The following SLC44A1 variants were observed in gnomAD, a reference collection of about 807,000 sequenced individuals.
SLC44A1 encodes choline transporter-like protein 1.
SLC44A1 carries 26 observed loss-of-function variants against 79.3 expected under a neutral mutation model. The ratio of observed to expected loss-of-function variants is 0.33; its 90% CI spans 0.24 to 0.46. SLC44A1 has a LOEUF of 0.46. SLC44A1 is among the 20% of genes least tolerant of loss of function. SLC44A1 has a pLI of 1.00. For synonymous variants in SLC44A1, 263 were observed against 286.2 expected, an observed-to-expected ratio of 0.92 and a Z score of 0.82; for missense variants, 688 against 798.1, an observed-to-expected ratio of 0.86 and a Z score of 1.66.
At chr9:105,404,729 G>A (rs562863361) in intron 15 of SLC44A1, among the ~76,000 whole-genome samples, 23 of 152,288 alleles carry the variant, frequency 1.5e-4, no homozygotes, top group African/African-American at 2.9e-4. Flanking sequence ...AGACAGCATC[G>A]TATAAGGAAG....
At chr9:105,401,730 T>C (rs1397324183), downstream of SLC44A1, among the ~76,000 whole-genome samples, 1 of 152,206 alleles carries the variant, frequency 6.6e-6, no homozygotes, top group Non-Finnish European at 1.5e-5. Flanking sequence ...TTCAGATGCA[T>C]TTCCTAAGCA....
chr9:105,408,402 T>C (rs527709063), intron 15 of SLC44A1, among the ~76,000 whole-genome samples: 3 of 151,856 alleles, frequency 2.0e-5, no homozygotes, highest in Admixed American at 6.6e-5. Context: ...TTGTCACTCA[T>C]TTGTTGTTGT....
Position 105,393,676 on chromosome 9 carries a change from G to C in SLC44A1, c.*4620G>C. ...TTTTGTACATGTAAAGACAAATGAT[G>C]ATTCAGTTTCAATATTGCATGAACA... On this transcript the variant is annotated 3_prime_UTR_variant, in exon 16 of 16. Transcript: ENST00000374720. 1.0e-6 allele frequency: 1 copy of C among 984,588 alleles called. No homozygotes were observed. Among genetic ancestry groups the C allele is most frequent in the Non-Finnish European group, 1.2e-6 (1 of 829,212 alleles). 61.0% of individuals were successfully genotyped at this position (984,588 alleles called of 1,614,324 possible). A position where few individuals can be genotyped will look rare whatever the true frequency, so the allele number is the denominator to read the frequency against.
chr9:105,333,980 A>T (rs906400454), intron 3 of SLC44A1, among the ~76,000 whole-genome samples: 3 of 152,170 alleles, frequency 2.0e-5, no homozygotes, highest in African/African-American at 7.2e-5. Flanking sequence ...GCAATTCATT[A>T]TACAGGGTCA....
At chr9:105,386,454 T>C (rs763289937) in intron 15 of SLC44A1, 12 of 982,744 alleles carry the variant, frequency 1.2e-5, no homozygotes, top group African/African-American at 1.7e-5. Flanking sequence ...TTCTGTCTTC[T>C]TTACACTTTA....
At chr9:105,316,255 T>C (rs1831322307) in intron 3 of SLC44A1, among the ~76,000 whole-genome samples, 1 of 152,128 alleles carries the variant, frequency 6.6e-6, no homozygotes, top group Non-Finnish European at 1.5e-5. Flanking sequence ...TATGAGAGGT[T>C]ATAATGGGAA....
At chr9:105,254,483 G>GGCAGGGAT (rs1223792711) in intron 1 of SLC44A1, among the ~76,000 whole-genome samples, 1 of 152,198 alleles carries the variant, frequency 6.6e-6, no homozygotes, top group Non-Finnish European at 1.5e-5. Context: ...GCAAGGTGGC[G>GGCAGGGAT]GCAGGGATGC....
chr9:105,425,970 A>G (rs138353170), intron 15 of SLC44A1, among the ~76,000 whole-genome samples: 93 of 152,310 alleles, frequency 6.1e-4, no homozygotes, highest in African/African-American at 2.0e-3. Context: ...GGTGTTTTGC[A>G]TTTTCAATCT....
intron 4 of SLC44A1, among the ~76,000 whole-genome samples, chr9:105,340,008 A>G (rs1441219986): frequency 3.3e-5 from 5 of 152,196 alleles, no homozygotes; most frequent in African/African-American, 1.2e-4. Context: ...CATGAAACAA[A>G]AAGTAGAAGT....
chr9:105,394,408 T>A lies in SLC44A1; in HGVS notation c.*5352T>A, dbSNP rs185768341. ...GTAAGATTTTCTTTCCTTGGAGGTA[T>A]GAGGGTGTGTATGTGTGTGTGTGTG... On this transcript the variant is annotated 3_prime_UTR_variant, in exon 16 of 16. Transcript: ENST00000374720. The A allele has an allele frequency of 1.1e-6, 1 of 948,386 alleles. No homozygotes were observed. Among genetic ancestry groups the A allele is most frequent in the Non-Finnish European group, 1.2e-6 (1 of 816,172 alleles). The allele number at this position is 948,386 out of a possible 1,614,324, so 58.7% of individuals were successfully genotyped here.
At chr9:105,367,342 T>C (rs1203311234) in intron 12 of SLC44A1, among the ~76,000 whole-genome samples, 1 of 152,228 alleles carries the variant, frequency 6.6e-6, no homozygotes, top group Admixed American at 6.5e-5. Flanking sequence ...GACTTTGCTT[T>C]ATTGGGTTCT....
At chr9:105,263,753 T>G (rs1381464037) in intron 1 of SLC44A1, among the ~76,000 whole-genome samples, 3 of 152,064 alleles carry the variant, frequency 2.0e-5, no homozygotes, top group East Asian at 3.9e-4. Context: ...GCCAGGCTGG[T>G]CTTGAACTCC....
intron 15 of SLC44A1, among the ~76,000 whole-genome samples, chr9:105,410,491 G>T (rs1829080694): frequency 1.3e-5 from 2 of 152,094 alleles, no homozygotes; most frequent in Admixed American, 6.5e-5. Context: ...TGTCATTAGG[G>T]AATTGCAAAT....
chr9:105,288,019 T>C (rs1306580018), intron 1 of SLC44A1, among the ~76,000 whole-genome samples: 7 of 152,198 alleles, frequency 4.6e-5, no homozygotes, highest in Non-Finnish European at 1.0e-4. Context: ...CATAATTAAA[T>C]AGCATTAATG....
chr9:105,405,565 G>T (rs1164512257), intron 15 of SLC44A1, among the ~76,000 whole-genome samples: 1 of 152,158 alleles, frequency 6.6e-6, no homozygotes, highest in African/African-American at 2.4e-5. Context: ...CAGCTTAGCA[G>T]CATCTGTGAA....
chr9:105,375,303 G>A (rs1025933390), intron 13 of SLC44A1, among the ~76,000 whole-genome samples: 1 of 152,184 alleles, frequency 6.6e-6, no homozygotes, highest in African/African-American at 2.4e-5. Flanking sequence ...GCCTCCCAAA[G>A]TGCTGGGATT....
intron 1 of SLC44A1, among the ~76,000 whole-genome samples, chr9:105,251,861 T>C (rs1250658439): frequency 6.6e-6 from 1 of 152,222 alleles, no homozygotes; most frequent in Non-Finnish European, 1.5e-5. Flanking sequence ...CATAGCCTTA[T>C]GTGTTTTCCC....
chr9:105,315,353 T>A (rs77205157), intron 3 of SLC44A1, among the ~76,000 whole-genome samples: 2 of 152,048 alleles, frequency 1.3e-5, no homozygotes, highest in South Asian at 4.1e-4. Context: ...AGGGTTTTTT[T>A]AAGTAAGATA....
chr9:105,351,601 A>AGGGAGG, intron 5 of SLC44A1, among the ~76,000 whole-genome samples: 1 of 104,182 alleles, frequency 9.6e-6, no homozygotes, highest in Non-Finnish European at 1.9e-5. Flanking sequence ...AGAAAGAGAA[A>AGGGAGG]GAAAGAAAGA....
Sources: gnomAD v4.1 joint callset for allele counts (sites outside exome capture counted in the v4.1 genomes callset) on GRCh38, gnomAD v4.1.1 for gene constraint, MANE v1.5 for transcripts, NCBI Gene and HGNC (gene_info 2026-07-23, HGNC 2026-07-21) for gene names.